Variants in RBM18 observed in about 807,000 individuals in gnomAD.
The protein encoded by RBM18 is probable RNA-binding protein 18.
Under a neutral mutation model 26.4 loss-of-function variants are expected in RBM18, and 18 were observed. The observed-to-expected ratio is 0.68, with a 90% CI of 0.47 to 1.01. The LOEUF is 1.01. RBM18 is among the 50% of genes least tolerant of loss of function. The pLI is 0.00. For missense variants in RBM18, 180 were observed against 219.2 expected, an observed-to-expected ratio of 0.82 and a Z score of 1.13; for synonymous variants, 74 against 81.1, an observed-to-expected ratio of 0.91 and a Z score of 0.47.
intron 5 of RBM18, among the ~76,000 whole-genome samples, chr9:122,242,707 T>A (rs1326759109): frequency 6.6e-6 from 1 of 152,032 alleles, no homozygotes; most frequent in African/African-American, 2.4e-5. Context: ...ACCAAGGCTG[T>A]AATACAGTGG....
At chr9:122,253,963 G>A (rs1831646282) in intron 2 of RBM18, among the ~76,000 whole-genome samples, 1 of 151,488 alleles carries the variant, frequency 6.6e-6, no homozygotes, top group Admixed American at 6.6e-5. Context: ...GGGAGGCAGA[G>A]GTTGCAGTGA....
intron 3 of RBM18, among the ~76,000 whole-genome samples, chr9:122,250,060 A>G (rs936161752): frequency 9.3e-5 from 14 of 150,824 alleles, no homozygotes; most frequent in Non-Finnish European, 1.9e-4. Context: ...ACAGAGCAAG[A>G]CCTTATTTAA....
At chr9:122,246,388 G>A (rs965595028) in intron 4 of RBM18, among the ~76,000 whole-genome samples, 1 of 152,174 alleles carries the variant, frequency 6.6e-6, no homozygotes, top group East Asian at 1.9e-4. Flanking sequence ...AGATTTATAG[G>A]AGAAGAGAAC....
At position 122,261,430 on chromosome 9, in the gene RBM18, C is replaced by A; in HGVS notation, c.63G>T (p.Leu21=). The A allele has an allele frequency of 1.2e-6, 2 of 1,614,190 alleles. No homozygotes were observed. Among genetic ancestry groups the A allele is most frequent in the South Asian group, 2.2e-5 (2 of 91,082 alleles). ...CAATCCATAATCGGTGTCCTTCCTG[C>A]AGAGAGCCCTCTGAAAGGATGGATG... ...ENASILSEGS[L]QEGHRLWIGN... The change falls in exon 2 of 6, where the codon CTG becomes CTT. Residue 21 remains leucine, a synonymous_variant. Coordinates refer to ENST00000417201, the MANE Select transcript of RBM18 (RefSeq NM_033117.4).
chr9:122,253,972 G>A (rs545288995), intron 2 of RBM18, among the ~76,000 whole-genome samples: 130 of 148,362 alleles, frequency 8.8e-4, no homozygotes, highest in Non-Finnish European at 1.6e-3. Context: ...AGGTTGCAGT[G>A]AACCGAGATC....
intron 2 of RBM18, among the ~76,000 whole-genome samples, chr9:122,257,357 G>A (rs1029177413): frequency 3.3e-5 from 5 of 152,104 alleles, no homozygotes; most frequent in South Asian, 2.1e-4. Context: ...TGTGTTAGCC[G>A]GGATGGTCTC....
chr9:122,257,255 C>T (rs1328694490), intron 2 of RBM18, among the ~76,000 whole-genome samples: 1 of 152,176 alleles, frequency 6.6e-6, no homozygotes, highest in Non-Finnish European at 1.5e-5. Flanking sequence ...CATTCTCCTG[C>T]CTCAGCCTCC....
chr9:122,242,552 AC>A (rs1226470871), intron 5 of RBM18, among the ~76,000 whole-genome samples: 2 of 152,244 alleles, frequency 1.3e-5, no homozygotes, highest in East Asian at 1.9e-4. Context: ...TGGAAAAAAA[AC>A]ATTCTGGAAA....
chr9:122,249,193 CT>C (rs542562692), intron 3 of RBM18, among the ~76,000 whole-genome samples: 31 of 151,052 alleles, frequency 2.1e-4, no homozygotes, highest in Admixed American at 5.9e-4. Context: ...TAAATGTCTA[CT>C]TTTTTTTTAT....
intron 4 of RBM18, among the ~76,000 whole-genome samples, chr9:122,247,254 G>A (rs1261771808): frequency 1.3e-5 from 2 of 152,046 alleles, no homozygotes; most frequent in African/African-American, 4.8e-5. Flanking sequence ...AATGACAGAG[G>A]TCTGAGCGTA....
At position 122,237,979 on chromosome 9, in the gene RBM18, TC is replaced by T. The variant is rs1831355826; in HGVS notation, c.*3904del. On this transcript the variant is annotated 3_prime_UTR_variant, in exon 6 of 6. Transcript: ENST00000417201. ...CACTCGAAAATGAAAAAAAAATCAT[TC>T]TTAACTTGTAGGCTATACAAAATTA... is the stretch of plus-strand genomic sequence containing the variant. 1 of 152,238 alleles carries T rather than the reference TC, an allele frequency of 6.6e-6. No individual in the cohort carries two copies. Among genetic ancestry groups the T allele is most frequent in the Non-Finnish European group, 1.5e-5 (1 of 68,052 alleles). 9.4% of individuals were successfully genotyped at this position (152,238 alleles called of 1,614,324 possible). A position where few individuals can be genotyped will look rare whatever the true frequency, so the allele number is the denominator to read the frequency against.
rs1044475947 is a variant in RBM18 at position 122,238,090 on chromosome 9, C to A, written c.*3794G>T. 6.6e-6 allele frequency: 1 copy of A among 152,196 alleles called. No homozygotes were observed. Among genetic ancestry groups the A allele is most frequent in the African/African-American group, 2.4e-5 (1 of 41,450 alleles). 9.4% of individuals were successfully genotyped at this position (152,196 alleles called of 1,614,324 possible). On this transcript the variant is annotated 3_prime_UTR_variant, in exon 6 of 6. Coordinates refer to ENST00000417201, the MANE Select transcript of RBM18 (RefSeq NM_033117.4). ...TAAAGCTCTCCCATTAACCAGGTGA[C>A]CCTGGCCAAATCGCTTTGTCTCTCT...
At position 122,261,392 on chromosome 9, in the gene RBM18, G is replaced by A; in HGVS notation, c.101C>T (p.Pro34Leu). 6.2e-7 allele frequency: 1 copy of A among 1,611,798 alleles called. No individual in the cohort carries two copies. The highest frequency in any genetic ancestry group is 8.5e-7 in the Non-Finnish European group (1 of 1,177,930). The change falls in exon 2 of 6, where the codon CCC becomes CTC. Residue 34 changes from proline to leucine, a missense_variant. Coordinates refer to ENST00000417201, the MANE Select transcript of RBM18 (RefSeq NM_033117.4). ...AACTTAGACTTACTCGGTAATTTTGGGGTCCAGGTTGCCAATCCATAATCG... is the reference window on the plus strand; with the variant it reads ...AACTTAGACTTACTCGGTAATTTTGAGGTCCAGGTTGCCAATCCATAATCG... ...GHRLWIGNLD[P>L]KITEYHLLKL... is the part of the protein sequence containing the mutation.
rs369550553 is a variant in RBM18, at chr9:122,245,350, G to C, written c.328-9C>G. 6.5e-7 allele frequency: 1 copy of C among 1,549,058 alleles called. No individual in the cohort carries two copies. The stretch of plus-strand genomic sequence containing the variant: ...TTGTTATGATCATATCTCTGAAAAT[G>C]AGAAATAGAGAAATTACTTCACATG... On this transcript the variant is annotated splice_polypyrimidine_tract_variant and intron_variant, in intron 4 of 5. Coordinates refer to ENST00000417201, the MANE Select transcript of RBM18 (RefSeq NM_033117.4).
At chr9:122,249,419 C>A (rs370440375) in intron 3 of RBM18, among the ~76,000 whole-genome samples, 5 of 152,100 alleles carry the variant, frequency 3.3e-5, no homozygotes, top group African/African-American at 1.2e-4. Context: ...TAGTTGTCTG[C>A]AACAATTCCC....
chr9:122,250,922 C>CTAT (rs1287859122), intron 3 of RBM18, among the ~76,000 whole-genome samples: 2 of 83,060 alleles, frequency 2.4e-5, no homozygotes, highest in African/African-American at 7.7e-5. Context: ...ATTATTATTA[C>CTAT]TATTATTATT....
At position 122,251,928 on chromosome 9, in the gene RBM18, C is replaced by T. The variant is rs1308385855; in HGVS notation, c.159G>A (p.Gln53=). ...KLLQKFGKVK[Q]FDFLFHKSGA... Reference sequence around the variant, plus strand: ...CTGACTTGTGGAAGAGGAAGTCAAACTGCTTTACCTTGCCAAACTTCTGGA... The same window carrying T: ...CTGACTTGTGGAAGAGGAAGTCAAATTGCTTTACCTTGCCAAACTTCTGGA... The change falls in exon 3 of 6, where the codon CAG becomes CAA. Residue 53 remains glutamine (Q), a synonymous_variant. Transcript: ENST00000417201. 6.2e-7 allele frequency: 1 copy of T among 1,614,156 alleles called. No individual in the cohort carries two copies. Among genetic ancestry groups the T allele is most frequent in the South Asian group, 1.1e-5 (1 of 91,090 alleles).
chr9:122,258,875 G>A (rs1187619403), intron 2 of RBM18, among the ~76,000 whole-genome samples: 1 of 134,628 alleles, frequency 7.4e-6, no homozygotes, highest in East Asian at 2.1e-4. Context: ...CTATGATTGT[G>A]CCACTGTACT....
intron 3 of RBM18, among the ~76,000 whole-genome samples, chr9:122,249,730 AAG>A (rs1831567521): frequency 6.6e-6 from 1 of 151,802 alleles, no homozygotes; most frequent in African/African-American, 2.4e-5. Context: ...CAACAACAAA[AAG>A]AATTCTCACC....
Sources: allele counts gnomAD v4.1 joint callset (sites outside exome capture counted in the v4.1 genomes callset), GRCh38; gene constraint gnomAD v4.1.1; transcripts MANE v1.5; gene names NCBI Gene and HGNC (gene_info 2026-07-23, HGNC 2026-07-21).